ARMC7: variants seen among roughly 807,000 people sequenced by gnomAD.
ARMC7 encodes the protein armadillo repeat containing 7, also known as armadillo repeat-containing protein 7.
Under a neutral mutation model 14.8 loss-of-function variants are expected in ARMC7, and 9 were observed. The ratio of observed to expected loss-of-function variants is 0.61; its 90% CI spans 0.37 to 1.06. The LOEUF is 1.06. Among genes scored for constraint, ARMC7 ranks in the 50% least tolerant of loss-of-function variants. The pLI, the probability that ARMC7 is intolerant of heterozygous loss-of-function variation, is 0.01. For synonymous variants in ARMC7, 125 were observed against 123.4 expected (o/e 1.01, Z -0.09); for missense variants, 262 against 267.1 (o/e 0.98, Z 0.13).
chr17:75,114,928 T>G, intron 2 of ARMC7: 1 of 383,660 alleles, frequency 2.6e-6, no homozygotes, highest in Non-Finnish European at 4.6e-6. Flanking sequence ...TGCTTGGGGA[T>G]CCCCGACAGG....
intron 2 of ARMC7, among the ~76,000 whole-genome samples, chr17:75,119,536 C>T (rs2073998087): frequency 6.6e-6 from 1 of 150,934 alleles, no homozygotes; most frequent in East Asian, 1.9e-4. Context: ...GCAAGCTCCG[C>T]CTCCCGGGTT....
At chr17:75,125,503 G>A (rs1264699839) in intron 2 of ARMC7, among the ~76,000 whole-genome samples, 3 of 152,184 alleles carry the variant, frequency 2.0e-5, no homozygotes, top group Admixed American at 6.6e-5. Flanking sequence ...AGGAGCACAC[G>A]GACATCTGGA....
At chr17:75,114,863 G>A (rs1218046581) in intron 2 of ARMC7, 4 of 395,838 alleles carry the variant, frequency 1.0e-5, no homozygotes, top group Non-Finnish European at 1.8e-5. Context: ...TGACTGAGAA[G>A]GAGAGCCCCC....
At chr17:75,115,259 C>G (rs1433436753) in intron 2 of ARMC7, among the ~76,000 whole-genome samples, 1 of 152,078 alleles carries the variant, frequency 6.6e-6, no homozygotes, top group Non-Finnish European at 1.5e-5. Context: ...AGAACCAAAA[C>G]CAAGCTGGGT....
chr17:75,110,743 A>T, intron 2 of ARMC7, 137 bp downstream of exon 2: 7 of 1,192,240 alleles, frequency 5.9e-6, no homozygotes, highest in Non-Finnish European at 8.2e-6. Context: ...CGGGCGGATC[A>T]CCTGAGGTCA....
At chr17:75,123,736 C>A (rs112657761) in intron 2 of ARMC7, among the ~76,000 whole-genome samples, 8,895 of 151,894 alleles carry the variant, frequency 0.059, 708 homozygotes, top group African/African-American at 0.17. Context: ...CATGGTGAAA[C>A]CCCCATCTCT....
At chr17:75,120,599 G>A (rs2074006782) in intron 2 of ARMC7, among the ~76,000 whole-genome samples, 1 of 152,026 alleles carries the variant, frequency 6.6e-6, no homozygotes, top group Non-Finnish European at 1.5e-5. Flanking sequence ...CGGATCACGA[G>A]GTCAGGAGAT....
chr17:75,112,899 G>A (rs889446065), intron 2 of ARMC7, among the ~76,000 whole-genome samples: 3 of 151,990 alleles, frequency 2.0e-5, no homozygotes, highest in South Asian at 2.1e-4. Context: ...GAATGCAAAT[G>A]TTCCCCCTTC....
At chr17:75,119,350 C>T (rs1568016738) in intron 2 of ARMC7, among the ~76,000 whole-genome samples, 1 of 150,680 alleles carries the variant, frequency 6.6e-6, no homozygotes, top group South Asian at 2.1e-4. Context: ...TGGCAAGACA[C>T]AAAAGTGTAA....
intron 2 of ARMC7, among the ~76,000 whole-genome samples, chr17:75,127,909 A>C (rs930534214): frequency 1.3e-5 from 2 of 152,182 alleles, no homozygotes; most frequent in Non-Finnish European, 2.9e-5. Context: ...CTAGTATTTT[A>C]ACAGTTTTAT....
chr17:75,123,984 A>C (rs1470287823), intron 2 of ARMC7, among the ~76,000 whole-genome samples: 1 of 152,140 alleles, frequency 6.6e-6, no homozygotes, highest in Non-Finnish European at 1.5e-5. Flanking sequence ...ATTACCAAGC[A>C]TTCTAGGAAG....
Position 75,110,288 on chromosome 17 carries a change from C to G in ARMC7, c.-1C>G. 3 of 1,610,132 alleles carry G rather than the reference C, an allele frequency of 1.9e-6. No homozygotes were observed. The highest frequency in any genetic ancestry group is 2.5e-6 in the Non-Finnish European group (3 of 1,179,528). On this transcript the variant is annotated 5_prime_UTR_variant, in exon 1 of 3. Transcript: ENST00000245543. ...CCTGGGGGTCCTCCGTCACCGCGGC[C>G]ATGGCCCAGAAGCCGAAGGTGGACC...
intron 2 of ARMC7, chr17:75,114,484 C>G: frequency 2.5e-6 from 1 of 393,012 alleles, no homozygotes; most frequent in Non-Finnish European, 4.5e-6. Flanking sequence ...AGCCCGGGTC[C>G]TGGAGTCCGC....
At chr17:75,112,529 T>C (rs1156442225) in intron 2 of ARMC7, among the ~76,000 whole-genome samples, 1 of 151,718 alleles carries the variant, frequency 6.6e-6, no homozygotes, top group African/African-American at 2.4e-5. Context: ...TGGAAGGAAG[T>C]CACTACATAA....
chr17:75,128,971 G>A lies in ARMC7; in HGVS notation c.530G>A (p.Arg177His), dbSNP rs200943740. Residue 177 changes from arginine (R) to histidine (H), a missense_variant, in exon 3 of 3, where the codon CGC becomes CAC. Arg to His is a conservative substitution (Grantham distance 29). Coordinates refer to ENST00000245543, the MANE Select transcript of ARMC7 (RefSeq NM_024585.4). ...TCCCCCCGCCAGGTGGCCGAGGCCC[G>A]CAGCCGGCAGGCGCACTCTGCCCTG... is the stretch of plus-strand genomic sequence containing the variant. ...FCSPRQVAEA[R>H]SRQAHSALGI... 7.9e-5 allele frequency: 127 copies of A among 1,602,848 alleles called. No homozygotes were observed. In the East Asian group the frequency reaches 1.5e-3, roughly 19 times the overall value.
Position 75,128,764 on chromosome 17 carries a change from C to CA in ARMC7, c.323_324insA (p.Ser109GlnfsTer4). 1 of 1,613,628 alleles carries CA rather than the reference C, an allele frequency of 6.2e-7. No homozygotes were observed. On this transcript the variant is annotated frameshift_variant, in exon 3 of 3. Coordinates refer to ENST00000245543, the MANE Select transcript of ARMC7 (RefSeq NM_024585.4). LOFTEE classifies it high-confidence loss of function. ...GTCCCACTCATCATCAACTGCCTATCCAGCCCCAATGAGGAGACGGTGCTG... is the reference window on the plus strand; with the variant it reads ...GTCCCACTCATCATCAACTGCCTATCACAGCCCCAATGAGGAGACGGTGCTG...
At chr17:75,121,872 G>T (rs998595948) in intron 2 of ARMC7, among the ~76,000 whole-genome samples, 1 of 152,110 alleles carries the variant, frequency 6.6e-6, no homozygotes, top group Admixed American at 6.6e-5. Flanking sequence ...TTTCAAAATT[G>T]GGTTGTTCAT....
chr17:75,122,938 C>T (rs1445143995), intron 2 of ARMC7, among the ~76,000 whole-genome samples: 2 of 151,868 alleles, frequency 1.3e-5, no homozygotes, highest in Non-Finnish European at 1.5e-5. Flanking sequence ...GGCGTCTTAG[C>T]GGGCCTATCT....
In ARMC7 at chr17:75,110,414, G is replaced by T. The variant is rs751578302; in HGVS notation, c.91+35G>T. The T allele has an allele frequency of 8.1e-6, 13 of 1,614,014 alleles. No individual in the cohort carries two copies. In the East Asian group the frequency reaches 2.5e-4, roughly 30 times the overall value. ...ACGGTGGGATCAGGTGGCAGGGTCCGCTGTGACCGCCGCCCGGACCTGGCT... is the reference window on the plus strand; with the variant it reads ...ACGGTGGGATCAGGTGGCAGGGTCCTCTGTGACCGCCGCCCGGACCTGGCT... On this transcript the variant is annotated intron_variant, in intron 1 of 2. Coordinates refer to ENST00000245543, the MANE Select transcript of ARMC7 (RefSeq NM_024585.4).
Sources: gnomAD v4.1 joint callset for allele counts (sites outside exome capture counted in the v4.1 genomes callset) on GRCh38, gnomAD v4.1.1 for gene constraint, MANE v1.5 for transcripts, NCBI Gene and HGNC (gene_info 2026-07-23, HGNC 2026-07-21) for gene names.